Variants in CMSS1 observed in about 807,000 individuals in gnomAD.
The protein encoded by CMSS1 is cms1 ribosomal small subunit homolog, also known as protein CMSS1.
A neutral mutation model predicts 43.5 loss-of-function variants in CMSS1; 33 were observed. That is an observed-to-expected ratio of 0.76 (90% CI 0.57 to 1.01). CMSS1 has a LOEUF of 1.01. Among genes scored for constraint, CMSS1 ranks in the 50% least tolerant of loss-of-function variants. The pLI, the probability that CMSS1 is intolerant of heterozygous loss-of-function variation, is 0.00. For synonymous variants in CMSS1, 115 were observed against 117.2 expected (o/e 0.98, Z 0.12); for missense variants, 313 against 326.4 (o/e 0.96, Z 0.32).
At chr3:99,867,085 A>T (rs987170017) in intron 1 of CMSS1, among the ~76,000 whole-genome samples, 3 of 152,192 alleles carry the variant, frequency 2.0e-5, no homozygotes, top group African/African-American at 7.2e-5. Context: ...TTTTAAGATG[A>T]ACATGTTCTA....
chr3:99,927,060 C>G (rs1215721142), intron 1 of CMSS1, among the ~76,000 whole-genome samples: 3 of 152,194 alleles, frequency 2.0e-5, no homozygotes, highest in Non-Finnish European at 4.4e-5. Context: ...CCATATCTTC[C>G]CACCGATCCT....
At chr3:99,855,074 T>A (rs1288467390) in intron 1 of CMSS1, among the ~76,000 whole-genome samples, 1 of 152,244 alleles carries the variant, frequency 6.6e-6, no homozygotes, top group Non-Finnish European at 1.5e-5. Flanking sequence ...ACATGTCAGA[T>A]GTTTCCTGGA....
intron 1 of CMSS1, among the ~76,000 whole-genome samples, chr3:99,997,235 A>C (rs1173723484): frequency 1.3e-5 from 2 of 152,214 alleles, no homozygotes; most frequent in Admixed American, 1.3e-4. Flanking sequence ...CTAACCAAGA[A>C]GAAGGTCCAA....
At chr3:100,119,320 G>C (rs2066601164) in intron 1 of CMSS1, among the ~76,000 whole-genome samples, 1 of 152,096 alleles carries the variant, frequency 6.6e-6, no homozygotes, top group South Asian at 2.1e-4. Context: ...GTTTCCCCCA[G>C]GCATGCCTAC....
chr3:100,146,178 A>G (rs2066848251), intron 1 of CMSS1, among the ~76,000 whole-genome samples: 1 of 152,242 alleles, frequency 6.6e-6, no homozygotes, highest in South Asian at 2.1e-4. Flanking sequence ...GGGAAATAAG[A>G]ACCTTCTGGT....
intron 1 of CMSS1, among the ~76,000 whole-genome samples, chr3:99,920,534 T>G (rs1477380472): frequency 6.6e-6 from 1 of 152,206 alleles, no homozygotes. Flanking sequence ...TTGGAGCTGG[T>G]CAGTGAACGT....
intron 1 of CMSS1, among the ~76,000 whole-genome samples, chr3:100,083,758 G>A (rs1259824093): frequency 2.0e-5 from 3 of 151,962 alleles, no homozygotes; most frequent in Non-Finnish European, 4.4e-5. Context: ...TGTTTGTTTA[G>A]AGAAGGGGGT....
intron 1 of CMSS1, among the ~76,000 whole-genome samples, chr3:100,129,806 T>G (rs1330026640): frequency 6.6e-6 from 1 of 152,200 alleles, no homozygotes; most frequent in Non-Finnish European, 1.5e-5. Flanking sequence ...AGTGCCATCT[T>G]TATCTAAAAT....
At chr3:99,823,447 G>A (rs1333945631) in intron 1 of CMSS1, among the ~76,000 whole-genome samples, 2 of 152,076 alleles carry the variant, frequency 1.3e-5, no homozygotes, top group African/African-American at 4.8e-5. Context: ...TTTCACAAAG[G>A]CCTAGCAGTA....
intron 1 of CMSS1, among the ~76,000 whole-genome samples, chr3:100,008,678 C>T (rs190661757): frequency 6.6e-6 from 1 of 152,356 alleles, no homozygotes; most frequent in African/African-American, 2.4e-5. Context: ...CAACATTCAG[C>T]ATTGTACTTC....
intron 1 of CMSS1, among the ~76,000 whole-genome samples, chr3:99,969,505 G>A (rs78242493): frequency 0.016 from 2,451 of 152,232 alleles, 66 homozygotes; most frequent in African/African-American, 0.055. Context: ...AGAAGTCTAC[G>A]TTTGAATTGA....
intron 1 of CMSS1, among the ~76,000 whole-genome samples, chr3:100,080,620 T>G (rs1330791880): frequency 6.6e-6 from 1 of 152,082 alleles, no homozygotes; most frequent in Non-Finnish European, 1.5e-5. Context: ...TATGAAGGAG[T>G]GATGCCTTGT....
intron 1 of CMSS1, among the ~76,000 whole-genome samples, chr3:99,949,064 C>G (rs1708100193): frequency 6.6e-6 from 1 of 152,088 alleles, no homozygotes; most frequent in African/African-American, 2.4e-5. Flanking sequence ...TGCCACCTGA[C>G]ATAAATTTTG....
intron 1 of CMSS1, among the ~76,000 whole-genome samples, chr3:99,843,211 A>G (rs1943210489): frequency 6.6e-6 from 1 of 152,186 alleles, no homozygotes; most frequent in Non-Finnish European, 1.5e-5. Context: ...TTCCCAAGAA[A>G]TGCTACAGAT....
At chr3:99,976,233 G>A (rs1245552026) in intron 1 of CMSS1, among the ~76,000 whole-genome samples, 2 of 152,116 alleles carry the variant, frequency 1.3e-5, no homozygotes, top group African/African-American at 2.4e-5. Flanking sequence ...AGTCCATATA[G>A]TGTATGCTGC....
At chr3:99,929,900 A>T (rs1341767402) in intron 1 of CMSS1, 1 of 1,613,826 alleles carries the variant, frequency 6.2e-7, no homozygotes, top group Non-Finnish European at 8.5e-7. Context: ...CAAGGGGTAG[A>T]TTTCGCTTGA....
At chr3:100,150,369 A>G (rs983713563) in intron 2 of CMSS1, among the ~76,000 whole-genome samples, 5 of 152,318 alleles carry the variant, frequency 3.3e-5, no homozygotes, top group Admixed American at 2.6e-4. Flanking sequence ...TGCTATATTT[A>G]AATTTTAGAT....
At chr3:99,824,549 A>C (rs567349471) in intron 1 of CMSS1, among the ~76,000 whole-genome samples, 1 of 152,230 alleles carries the variant, frequency 6.6e-6, no homozygotes, top group Non-Finnish European at 1.5e-5. Context: ...TAGTTAACCA[A>C]TTAATTATTA....
intron 1 of CMSS1, among the ~76,000 whole-genome samples, chr3:99,984,548 C>T (rs1197181145): frequency 1.3e-5 from 2 of 152,124 alleles, no homozygotes; most frequent in Admixed American, 1.3e-4. Context: ...GTCACTGAAA[C>T]TCATTCTGCA....
Sources: gnomAD v4.1 joint callset for allele counts (sites outside exome capture counted in the v4.1 genomes callset) on GRCh38, gnomAD v4.1.1 for gene constraint, MANE v1.5 for transcripts, NCBI Gene and HGNC (gene_info 2026-07-23, HGNC 2026-07-21) for gene names.